RNGTT: variants seen among roughly 807,000 people sequenced by gnomAD.
RNGTT encodes mRNA-capping enzyme.
In RNGTT, 33 loss-of-function variants were observed where a neutral mutation model predicts 79.3. That is an observed-to-expected ratio of 0.42 (90% CI 0.32 to 0.56). The LOEUF is 0.56. RNGTT is among the 20% of genes least tolerant of loss of function. RNGTT has a pLI of 0.17. For synonymous variants in RNGTT, 222 were observed against 235.9 expected, an observed-to-expected ratio of 0.94 and a Z score of 0.54; for missense variants, 497 against 739.1, an observed-to-expected ratio of 0.67 and a Z score of 3.80.
In RNGTT at chr6:88,665,803, A is replaced by G. The variant is rs576860005; in HGVS notation, c.1506+12550T>C. Among the ~76,000 whole-genome samples, 293 of 152,328 alleles carry G rather than the reference A, an allele frequency of 1.9e-3. 4 individuals carry two copies. Among genetic ancestry groups the G allele is most frequent in the African/African-American group, 6.9e-3 (287 of 41,578 alleles). On this transcript the variant is annotated intron_variant, in intron 14 of 15. Coordinates refer to ENST00000369485, the MANE Select transcript of RNGTT (RefSeq NM_003800.5). ...CCTAGGCTGCGTGTTGTTCCAGTAC[A>G]TCGACAACCTCCTGCTGGGACGCCC...
chr6:88,824,533 A>G (rs1004751822), intron 11 of RNGTT, among the ~76,000 whole-genome samples: 1 of 152,172 alleles, frequency 6.6e-6, no homozygotes, highest in Non-Finnish European at 1.5e-5. Context: ...ATTAAATGAC[A>G]TTAAAAATCT....
intron 13 of RNGTT, among the ~76,000 whole-genome samples, chr6:88,730,645 G>C (rs1777078186): frequency 6.6e-6 from 1 of 152,238 alleles, no homozygotes. Flanking sequence ...CTCACCTCCT[G>C]CTGCGCAGCC....
At chr6:88,637,060 G>T (rs946919685) in intron 14 of RNGTT, among the ~76,000 whole-genome samples, 3 of 152,194 alleles carry the variant, frequency 2.0e-5, no homozygotes, top group Admixed American at 6.6e-5. Context: ...CTGCCAGATG[G>T]TGGCTGCTGG....
Position 88,877,480 on chromosome 6 carries a change from T to G in RNGTT, c.896+13015A>C, listed in dbSNP as rs74702022. Among the ~76,000 whole-genome samples the G allele has an allele frequency of 3.0e-4, 46 of 152,316 alleles. No homozygotes were observed. The East Asian group carries it at 8.5e-3, about 28-fold the overall frequency. ...TTTCTCAGAACCAATCCAGGCTTAA[T>G]GAATTTGAATCTCTGAATTTTTTTT... On this transcript the variant is annotated intron_variant, in intron 8 of 15. Coordinates refer to ENST00000369485, the MANE Select transcript of RNGTT (RefSeq NM_003800.5).
At chr6:88,722,677 G>GT (rs1356772119) in intron 13 of RNGTT, among the ~76,000 whole-genome samples, 1 of 152,136 alleles carries the variant, frequency 6.6e-6, no homozygotes, top group Non-Finnish European at 1.5e-5. Flanking sequence ...TTTTGACAAG[G>GT]TTTTCACATG....
intron 13 of RNGTT, among the ~76,000 whole-genome samples, chr6:88,754,478 T>C (rs1199963632): frequency 6.6e-6 from 1 of 152,154 alleles, no homozygotes; most frequent in Non-Finnish European, 1.5e-5. Context: ...TATTTCCTTC[T>C]TGTGTAGACT....
intron 11 of RNGTT, among the ~76,000 whole-genome samples, chr6:88,813,959 G>A (rs1018455481): frequency 6.6e-6 from 1 of 152,092 alleles, no homozygotes; most frequent in African/African-American, 2.4e-5. Flanking sequence ...CTTAACAAAT[G>A]TGTGTTAAAT....
intron 10 of RNGTT, 57 bp downstream of exon 10, chr6:88,849,697 CA>C: frequency 2.8e-6 from 4 of 1,424,438 alleles, no homozygotes; most frequent in Non-Finnish European, 3.7e-6. Context: ...AGACTATTGT[CA>C]AAAATACATT....
At chr6:88,633,044 G>A (rs1004670361) in intron 14 of RNGTT, among the ~76,000 whole-genome samples, 5 of 152,136 alleles carry the variant, frequency 3.3e-5, no homozygotes, top group African/African-American at 4.8e-5. Context: ...TTGATGCTTG[G>A]CTTTAATTTA....
intron 13 of RNGTT, among the ~76,000 whole-genome samples, chr6:88,713,168 T>C (rs1219589446): frequency 2.0e-5 from 3 of 152,010 alleles, no homozygotes; most frequent in Admixed American, 6.6e-5. Context: ...GTCATGAGAG[T>C]AGAATCCTCA....
At chr6:88,699,126 T>C (rs1169344315) in intron 13 of RNGTT, among the ~76,000 whole-genome samples, 1 of 152,186 alleles carries the variant, frequency 6.6e-6, no homozygotes, top group Non-Finnish European at 1.5e-5. Flanking sequence ...TTCCATTCTA[T>C]TAGATGATGA....
At chr6:88,669,076 C>T (rs1774527832) in intron 14 of RNGTT, among the ~76,000 whole-genome samples, 1 of 152,184 alleles carries the variant, frequency 6.6e-6, no homozygotes. Flanking sequence ...TACTAACCCC[C>T]AGGATCCCCA....
rs575535517 is a variant in RNGTT, at chr6:88,843,620, G to A, written c.1269+737C>T. 1.7e-4 allele frequency among the ~76,000 whole-genome samples: 22 copies of A among 133,148 alleles called. No individual in the cohort carries two copies. In the East Asian group the frequency reaches 3.0e-3, roughly 18 times the overall value. The allele number at this position is 133,148 out of a possible 152,430, so 87.4% of individuals were successfully genotyped here. The stretch of plus-strand genomic sequence containing the variant: ...GTCGCCCAGGCTGGAGTGCAATGGC[G>A]CAATCTCGGCTCACTGCAACCTCCA... On this transcript the variant is annotated intron_variant, in intron 11 of 15. Transcript: ENST00000369485.
chr6:88,642,077 A>G (rs1773343079), intron 14 of RNGTT, among the ~76,000 whole-genome samples: 1 of 152,172 alleles, frequency 6.6e-6, no homozygotes, highest in African/African-American at 2.4e-5. Context: ...TCAGTGAATC[A>G]AAGTACTATA....
intron 4 of RNGTT, among the ~76,000 whole-genome samples, chr6:88,909,305 T>C (rs556345531): frequency 1.3e-5 from 2 of 152,106 alleles, no homozygotes; most frequent in African/African-American, 4.8e-5. Context: ...GAGTGCAAGT[T>C]GTGAGGGCCA....
intron 14 of RNGTT, among the ~76,000 whole-genome samples, chr6:88,638,568 TAGAA>T (rs1237871911): frequency 6.6e-6 from 1 of 152,176 alleles, no homozygotes; most frequent in African/African-American, 2.4e-5. Context: ...AAAGAAAATT[TAGAA>T]AGAACAGTTT....
In RNGTT at chr6:88,744,255, T is replaced by TTTTA. The variant is rs765865886; in HGVS notation, c.1439+25515_1439+25518dup. On this transcript the variant is annotated intron_variant, in intron 13 of 15. Coordinates refer to ENST00000369485, the MANE Select transcript of RNGTT (RefSeq NM_003800.5). ...TTCTTATTACTCCTTTTTATTTTTCTTTTATTTATTTATTTATTTTTTTGA... is the reference window on the plus strand; with the variant it reads ...TTCTTATTACTCCTTTTTATTTTTCTTTTATTTATTTATTTATTTATTTTTTTGA... Among the ~76,000 whole-genome samples, 59 of 152,158 alleles carry TTTTA rather than the reference T, an allele frequency of 3.9e-4. No individual in the cohort carries two copies. The East Asian group carries it at 7.3e-3, about 19-fold the overall frequency.
chr6:88,943,924 C>T (rs148755574), intron 1 of RNGTT, among the ~76,000 whole-genome samples: 1 of 152,222 alleles, frequency 6.6e-6, no homozygotes, highest in East Asian at 1.9e-4. Flanking sequence ...TGTGCCTACA[C>T]ATATGTAGCT....
At chr6:88,795,548 AG>A (rs1779569736) in intron 12 of RNGTT, among the ~76,000 whole-genome samples, 1 of 152,088 alleles carries the variant, frequency 6.6e-6, no homozygotes, top group South Asian at 2.1e-4. Flanking sequence ...GTTGGGGGCT[AG>A]GGAAGGGATA....
Sources: allele counts gnomAD v4.1 joint callset (sites outside exome capture counted in the v4.1 genomes callset), GRCh38; gene constraint gnomAD v4.1.1; transcripts MANE v1.5; gene names NCBI Gene and HGNC (gene_info 2026-07-23, HGNC 2026-07-21).